The following GNPTAB variants were observed in gnomAD, a reference collection of about 807,000 sequenced individuals.
GNPTAB encodes N-acetylglucosamine-1-phosphate transferase subunits alpha and beta.
GNPTAB carries 92 observed loss-of-function variants against 136.6 expected under a neutral mutation model. The ratio of observed to expected loss-of-function variants is 0.67; its 90% CI spans 0.57 to 0.80. GNPTAB has a LOEUF of 0.80. Among genes scored for constraint, GNPTAB ranks in the 30% least tolerant of loss-of-function variants. GNPTAB has a pLI of 0.00. For synonymous variants in GNPTAB, 512 were observed against 535.1 expected (o/e 0.96, Z 0.60); for missense variants, 1,343 against 1,501.8 (o/e 0.89, Z 1.75).
chr12:101,773,888 C>T (rs1335651194), intron 7 of GNPTAB: 1 of 152,144 alleles, frequency 6.6e-6, no homozygotes, highest in Non-Finnish European at 1.5e-5. Flanking sequence ...GGGCAACTGC[C>T]TCCATATATG....
intron 1 of GNPTAB, among the ~76,000 whole-genome samples, chr12:101,819,384 A>G (rs918436950): frequency 6.6e-5 from 10 of 152,186 alleles, no homozygotes; most frequent in Admixed American, 2.6e-4. Flanking sequence ...GGACTAATAC[A>G]CTGGCCCAAA....
intron 4 of GNPTAB, among the ~76,000 whole-genome samples, chr12:101,786,844 C>G (rs1868675410): frequency 6.6e-6 from 1 of 152,152 alleles, no homozygotes; most frequent in African/African-American, 2.4e-5. Flanking sequence ...AAAAATTGTT[C>G]AACTTCCTTA....
At chr12:101,769,343 C>T (rs1171328356) in intron 10 of GNPTAB, among the ~76,000 whole-genome samples, 1 of 152,126 alleles carries the variant, frequency 6.6e-6, no homozygotes, top group Non-Finnish European at 1.5e-5. Context: ...ACATCTATAG[C>T]TTTAAGCACT....
chr12:101,748,909 G>T lies in GNPTAB; in HGVS notation c.3693+192C>A, dbSNP rs547217680. The stretch of plus-strand genomic sequence containing the variant: ...GAATACTGGTAATGGATTTAGAAGA[G>T]AAATGAATAAAAGACTGTTATATTT... On this transcript the variant is annotated intron_variant, in intron 20 of 20. Transcript: ENST00000299314. Among the ~76,000 whole-genome samples, 3 of 152,320 alleles carry T rather than the reference G, an allele frequency of 2.0e-5. No individual in the cohort carries two copies. In the East Asian group the frequency reaches 5.8e-4, roughly 29 times the overall value.
Position 101,770,144 on chromosome 12 carries a change from A to T in GNPTAB, c.1161T>A (p.Ala387=), listed in dbSNP as rs1480183502. Residue 387 remains alanine, a synonymous_variant, in exon 10 of 21, where the codon GCT becomes GCA. Transcript: ENST00000299314. ...CGATGCGATGAATGTGACTTTCAATAGCAGGTGAACTAAAGGTAGGCAAGT... is the reference window on the plus strand; with the variant it reads ...CGATGCGATGAATGTGACTTTCAATTGCAGGTGAACTAAAGGTAGGCAAGT... ...LSHLPTFSSP[A]IESHIHRIEG... The T allele has an allele frequency of 6.2e-7, 1 of 1,614,172 alleles. No individual in the cohort carries two copies.
In GNPTAB at chr12:101,760,087, A is replaced by G; in HGVS notation, c.3192T>C (p.Asp1064=). Reference sequence around the variant, plus strand: ...GTGGAATATTATTTAGCTGCGTGATATCAGCAGGAAGCATTTTTGAGCAAT... The same window carrying G: ...GTGGAATATTATTTAGCTGCGTGATGTCAGCAGGAAGCATTTTTGAGCAAT... ...LINCSKMLPA[D]ITQLNNIPPT... is the part of the protein sequence containing the mutation. Residue 1064 remains aspartate, a synonymous_variant, in exon 16 of 21, where the codon GAT becomes GAC. Transcript: ENST00000299314. 1 of 1,613,910 alleles carries G rather than the reference A, an allele frequency of 6.2e-7. No homozygotes were observed. The highest frequency in any genetic ancestry group is 8.5e-7 in the Non-Finnish European group (1 of 1,179,756).
chr12:101,830,442 T>C (rs1231306463), intron 1 of GNPTAB, 117 bp downstream of exon 1: 8 of 676,478 alleles, frequency 1.2e-5, no homozygotes, highest in Admixed American at 4.2e-5. Flanking sequence ...CTGGGCAACA[T>C]GGCAAAACCC....
At chr12:101,749,792 C>T (rs1312734021) in intron 19 of GNPTAB, among the ~76,000 whole-genome samples, 1 of 152,120 alleles carries the variant, frequency 6.6e-6, no homozygotes, top group Non-Finnish European at 1.5e-5. Context: ...CCAGCTGGGC[C>T]CTACAGGACT....
At chr12:101,751,696 A>G (rs1430195457) in intron 19 of GNPTAB, among the ~76,000 whole-genome samples, 1 of 152,236 alleles carries the variant, frequency 6.6e-6, no homozygotes, top group African/African-American at 2.4e-5. Flanking sequence ...CAACATGGCA[A>G]TAACAATACT....
At chr12:101,794,032 G>A (rs1027809583) in intron 2 of GNPTAB, among the ~76,000 whole-genome samples, 11 of 152,056 alleles carry the variant, frequency 7.2e-5, no homozygotes, top group East Asian at 1.9e-4. Context: ...TGGTAGAGAC[G>A]GGGTTTCACT....
At position 101,764,970 on chromosome 12, in the gene GNPTAB, G is replaced by A. The variant is rs746619207; in HGVS notation, c.1947C>T (p.Tyr649=). The A allele has an allele frequency of 5.0e-6, 8 of 1,613,952 alleles. No homozygotes were observed. Among genetic ancestry groups the A allele is most frequent in the South Asian group, 1.1e-5 (1 of 91,078 alleles). ...GTGTTATGGGACTAACTAAATTTTC[G>A]TAACCCTTCTGGGCTGTAGAATTCA... ...PKLNSTAQKG[Y]ENLVSPITLL... Residue 649 remains tyrosine (Y), a synonymous_variant, in exon 13 of 21, where the codon TAC becomes TAT. Transcript: ENST00000299314.
chr12:101,813,980 G>A (rs925087432), intron 1 of GNPTAB, among the ~76,000 whole-genome samples: 4 of 151,678 alleles, frequency 2.6e-5, no homozygotes, highest in African/African-American at 4.8e-5. Context: ...TTGGGAGGCT[G>A]AGGCAGAAGA....
chr12:101,815,336 GC>G (rs1365943789), intron 1 of GNPTAB, among the ~76,000 whole-genome samples: 1 of 152,174 alleles, frequency 6.6e-6, no homozygotes, highest in Non-Finnish European at 1.5e-5. Flanking sequence ...ACCATGCCCG[GC>G]CCATAACAGC....
intron 13 of GNPTAB, among the ~76,000 whole-genome samples, chr12:101,763,531 C>A (rs1953033633): frequency 6.6e-6 from 1 of 152,114 alleles, no homozygotes; most frequent in Non-Finnish European, 1.5e-5. Flanking sequence ...TTCCCTAGTA[C>A]TTCTAGGCAG....
At chr12:101,780,387 G>T in intron 6 of GNPTAB, 101 bp from the exon 7 acceptor site, 1 of 1,293,008 alleles carries the variant, frequency 7.7e-7, no homozygotes, top group Non-Finnish European at 1.1e-6. Context: ...CACAACACAA[G>T]CTTCAAAATA....
chr12:101,808,685 G>A (rs1223299315), intron 1 of GNPTAB, among the ~76,000 whole-genome samples: 4 of 152,246 alleles, frequency 2.6e-5, no homozygotes, highest in African/African-American at 9.6e-5. Context: ...GGTGGCTCAT[G>A]CCTGTAATCC....
At chr12:101,764,138 A>G in intron 13 of GNPTAB, 64 bp downstream of exon 13, 1 of 1,605,984 alleles carries the variant, frequency 6.2e-7, no homozygotes, top group Non-Finnish European at 8.5e-7. Flanking sequence ...AGCTATAATG[A>G]TATTATCATG....
At chr12:101,805,634 G>A (rs1027751821) in intron 1 of GNPTAB, among the ~76,000 whole-genome samples, 8 of 152,168 alleles carry the variant, frequency 5.3e-5, no homozygotes, top group African/African-American at 7.2e-5. Context: ...GGGCTCATGC[G>A]ATCTGCCTGC....
At position 101,798,029 on chromosome 12, in the gene GNPTAB, T is replaced by A. The variant is rs148126849; in HGVS notation, c.118-1267A>T. 1.9e-3 allele frequency among the ~76,000 whole-genome samples: 289 copies of A among 152,218 alleles called. 1 individual carries two copies. The highest frequency in any genetic ancestry group is 6.5e-3 in the African/African-American group (270 of 41,522). ...TCCAGTGAGTCCCTCTACCCCACAT[T>A]TTCTGTCCCTTTCAAGGTCATCTCC... On this transcript the variant is annotated intron_variant, in intron 1 of 20. Transcript: ENST00000299314.
Sources: gnomAD v4.1 joint callset for allele counts (sites outside exome capture counted in the v4.1 genomes callset) on GRCh38, gnomAD v4.1.1 for gene constraint, MANE v1.5 for transcripts, NCBI Gene and HGNC (gene_info 2026-07-23, HGNC 2026-07-21) for gene names.